CREB5: variants seen among roughly 807,000 people sequenced by gnomAD.
CREB5 encodes cAMP responsive element binding protein 5, also known as cyclic AMP-responsive element-binding protein 5.
CREB5 carries 19 observed loss-of-function variants against 57.1 expected under a neutral mutation model. The observed-to-expected ratio is 0.33, with a 90% CI of 0.23 to 0.49. The LOEUF is 0.49. CREB5 is among the 20% of genes least tolerant of loss of function. The pLI is 0.99. For missense variants in CREB5, 579 were observed against 671.6 expected, an observed-to-expected ratio of 0.86 and a Z score of 1.52; for synonymous variants, 238 against 238.3, an observed-to-expected ratio of 1.00 and a Z score of 0.01.
chr7:28,806,036 A>G (rs1257494101), intron 8 of CREB5, among the ~76,000 whole-genome samples: 1 of 152,168 alleles, frequency 6.6e-6, no homozygotes, highest in Non-Finnish European at 1.5e-5. Context: ...AAAGTCAATG[A>G]TGGGCAAATT....
chr7:28,481,682 T>C (rs1316340773), intron 1 of CREB5, among the ~76,000 whole-genome samples: 2 of 152,062 alleles, frequency 1.3e-5, no homozygotes, highest in Non-Finnish European at 2.9e-5. Flanking sequence ...AGAATAACAC[T>C]GCAACAGGAA....
At chr7:28,436,205 T>C (rs1304944487) in intron 1 of CREB5, among the ~76,000 whole-genome samples, 1 of 152,100 alleles carries the variant, frequency 6.6e-6, no homozygotes, top group African/African-American at 2.4e-5. Context: ...CCAGTAAAAA[T>C]CAATGCCTCT....
chr7:28,392,143 G>A (rs1022921208), intron 1 of CREB5, among the ~76,000 whole-genome samples: 8 of 152,278 alleles, frequency 5.3e-5, no homozygotes, highest in Middle Eastern at 3.4e-3. Context: ...GAGGGAGGAA[G>A]GAGAGGATCA....
chr7:28,560,985 C>CGTGTGTGCGCGTGCGTGTGTGCGT (rs1795229287), intron 4 of CREB5, among the ~76,000 whole-genome samples: 1 of 27,368 alleles, frequency 3.7e-5, no homozygotes, highest in Non-Finnish European at 8.1e-5. Context: ...TGTGTGCGTG[C>CGTGTGTGCGCGTGCGTGTGTGCGT]GTGTGTGTGC....
chr7:28,704,326 A>G (rs1162269772), intron 5 of CREB5, among the ~76,000 whole-genome samples: 1 of 152,196 alleles, frequency 6.6e-6, no homozygotes, highest in Non-Finnish European at 1.5e-5. Flanking sequence ...ACTTGCACTC[A>G]GAGATCATTT....
chr7:28,560,937 C>T (rs62449920), intron 4 of CREB5, among the ~76,000 whole-genome samples: 493 of 35,438 alleles, frequency 0.014, 37 homozygotes, highest in African/African-American at 0.026. Context: ...TGCGTGTGTG[C>T]GTGCGTGTGT....
intron 7 of CREB5, among the ~76,000 whole-genome samples, chr7:28,750,777 A>T (rs961953039): frequency 6.6e-6 from 1 of 152,212 alleles, no homozygotes; most frequent in Non-Finnish European, 1.5e-5. Flanking sequence ...AGCATGTAAT[A>T]ATTGTCAAAT....
At chr7:28,405,266 C>T (rs982013930) in intron 1 of CREB5, among the ~76,000 whole-genome samples, 1 of 152,160 alleles carries the variant, frequency 6.6e-6, no homozygotes, top group Non-Finnish European at 1.5e-5. Context: ...CATCCCTTTC[C>T]CCATCACTGT....
At chr7:28,463,958 TA>T (rs1790453969) in intron 1 of CREB5, among the ~76,000 whole-genome samples, 1 of 152,188 alleles carries the variant, frequency 6.6e-6, no homozygotes, top group African/African-American at 2.4e-5. Context: ...TTCAGTGAAA[TA>T]GAAGTAGTGA....
At chr7:28,540,207 T>G (rs563785747) in intron 4 of CREB5, among the ~76,000 whole-genome samples, 26 of 152,322 alleles carry the variant, frequency 1.7e-4, no homozygotes, top group African/African-American at 6.3e-4. Context: ...GTATCCTAAA[T>G]CTCCTTGGGT....
chr7:28,583,378 G>A (rs979228383), intron 5 of CREB5, among the ~76,000 whole-genome samples: 3 of 152,170 alleles, frequency 2.0e-5, no homozygotes, highest in African/African-American at 4.8e-5. Context: ...TGGCTTCTGA[G>A]GTGATAGGTG....
chr7:28,754,167 G>A lies in CREB5; in HGVS notation c.702+29835G>A, dbSNP rs551033278. Among the ~76,000 whole-genome samples the A allele has an allele frequency of 4.6e-5, 7 of 152,236 alleles. No individual in the cohort carries two copies. The East Asian group carries it at 1.4e-3, about 29-fold the overall frequency. ...TGGCCGGGTGAGGTCACTGCAGAAG[G>A]GAGAGTGAGGTAAGAACACAGCTGA... On this transcript the variant is annotated intron_variant, in intron 7 of 10. Coordinates refer to ENST00000357727, the MANE Select transcript of CREB5 (RefSeq NM_182898.4).
intron 1 of CREB5, among the ~76,000 whole-genome samples, chr7:28,441,310 T>A (rs1235443628): frequency 6.6e-6 from 1 of 152,232 alleles, no homozygotes; most frequent in Non-Finnish European, 1.5e-5. Flanking sequence ...TGTGTGAGCC[T>A]GTTACTCAAA....
intron 3 of CREB5, among the ~76,000 whole-genome samples, chr7:28,500,954 G>A (rs1304930349): frequency 2.0e-5 from 3 of 152,116 alleles, no homozygotes; most frequent in Admixed American, 2.0e-4. Context: ...TGGGGGAGAT[G>A]GCTTGCACCA....
chr7:28,718,710 G>A (rs1162924545), intron 5 of CREB5, 43 bp from the exon 6 acceptor site: 20 of 1,607,204 alleles, frequency 1.2e-5, no homozygotes, highest in Non-Finnish European at 1.5e-5. Flanking sequence ...GACAGGGCCA[G>A]GGCACCAGGA....
chr7:28,767,305 G>A (rs756849642), intron 7 of CREB5, among the ~76,000 whole-genome samples: 1 of 152,178 alleles, frequency 6.6e-6, no homozygotes, highest in Non-Finnish European at 1.5e-5. Flanking sequence ...GTGTGACACT[G>A]ACAAATTGGA....
intron 5 of CREB5, among the ~76,000 whole-genome samples, chr7:28,588,767 T>C (rs1796390294): frequency 6.6e-6 from 1 of 152,162 alleles, no homozygotes. Context: ...TCTGGCATCT[T>C]CTCCTTGCCC....
At chr7:28,813,294 C>T (rs1035404536) in intron 9 of CREB5, among the ~76,000 whole-genome samples, 4 of 152,174 alleles carry the variant, frequency 2.6e-5, no homozygotes, top group African/African-American at 9.6e-5. Context: ...CTAAGATCAG[C>T]TCTAAATTCA....
chr7:28,487,041 G>A (rs1257217773), intron 1 of CREB5, among the ~76,000 whole-genome samples: 1 of 152,092 alleles, frequency 6.6e-6, no homozygotes, highest in Non-Finnish European at 1.5e-5. Flanking sequence ...TTTTGAGACG[G>A]AGTCTTGCTC....
Sources: allele counts gnomAD v4.1 joint callset (sites outside exome capture counted in the v4.1 genomes callset), GRCh38; gene constraint gnomAD v4.1.1; transcripts MANE v1.5; gene names NCBI Gene and HGNC (gene_info 2026-07-23, HGNC 2026-07-21).